Variants in CPZ observed in about 807,000 individuals in gnomAD.
CPZ encodes the protein VEZT/CPZ fusion.
A neutral mutation model predicts 61.8 loss-of-function variants in CPZ; 103 were observed. The observed-to-expected ratio is 1.67, with a 90% CI of 1.42 to 1.96. CPZ has a LOEUF of 1.96. Ranked by LOEUF, CPZ falls within the 30% of genes most tolerant of loss-of-function variation. The pLI is 0.00. For missense variants in CPZ, 1,461 were observed against 914.9 expected (o/e 1.60, Z -7.70); for synonymous variants, 551 against 373.7 (o/e 1.47, Z -5.47).
intron 8 of CPZ, among the ~76,000 whole-genome samples, chr4:8,613,136 T>A (rs1257446407): frequency 2.0e-5 from 3 of 148,646 alleles, no homozygotes; most frequent in Non-Finnish European, 4.5e-5. Context: ...TCTGTTCCTT[T>A]TTTTTTTTTT....
At position 8,614,474 on chromosome 4, in the gene CPZ, G is replaced by A. The variant is rs1305997154; in HGVS notation, c.1479G>A (p.Glu493=). 2 of 1,613,882 alleles carry A rather than the reference G, an allele frequency of 1.2e-6. No individual in the cohort carries two copies. The highest frequency in any genetic ancestry group is 8.5e-7 in the Non-Finnish European group (1 of 1,179,882). ...ACATACTCTGGCAGCACAACAAGGA[G>A]TCACTCCTGAATTTCGTGGAGACGG... is the stretch of plus-strand genomic sequence containing the variant. ...ALYILWQHNK[E]SLLNFVETVH... The change falls in exon 9 of 11, where the codon GAG becomes GAA. Residue 493 remains glutamate, a synonymous_variant. Transcript: ENST00000360986.
At chr4:8,594,016 T>C (rs938845784) in intron 1 of CPZ, among the ~76,000 whole-genome samples, 1 of 151,956 alleles carries the variant, frequency 6.6e-6, no homozygotes, top group Non-Finnish European at 1.5e-5. Context: ...CACAGCCCCC[T>C]CCTCCAGGAA....
intron 5 of CPZ, 56 bp downstream of exon 5, chr4:8,606,241 C>T (rs75272044): frequency 2.0e-6 from 3 of 1,507,478 alleles, no homozygotes; most frequent in Middle Eastern, 1.7e-4. Context: ...CCCCCTCATT[C>T]ATCCATTTAT....
At chr4:8,617,530 C>G (rs1577131094) in intron 9 of CPZ, among the ~76,000 whole-genome samples, 1 of 152,226 alleles carries the variant, frequency 6.6e-6, no homozygotes, top group Non-Finnish European at 1.5e-5. Context: ...GGAAAACAGT[C>G]TCTCCAACCT....
rs1220939052 is a variant in CPZ, at chr4:8,606,200, G to A, written c.906+15G>A. On this transcript the variant is annotated intron_variant, in intron 5 of 10. Coordinates refer to ENST00000360986, the MANE Select transcript of CPZ (RefSeq NM_001014447.3). ...CAGCTGCCGAGGTGAGCGCCCAGAT[G>A]CCTGGATCCTGTGGGCCACCGCCCG... is the stretch of plus-strand genomic sequence containing the variant. 1.9e-6 allele frequency: 3 copies of A among 1,607,488 alleles called. No homozygotes were observed. The South Asian group carries it at 3.3e-5, about 18-fold the overall frequency.
chr4:8,605,894 G>A lies in CPZ; in HGVS notation c.710-95G>A, dbSNP rs1714951271. 8.0e-6 allele frequency: 10 copies of A among 1,243,542 alleles called. No individual in the cohort carries two copies. The South Asian group carries it at 1.2e-4, about 15-fold the overall frequency. The allele number at this position is 1,243,542 out of a possible 1,614,324, so 77.0% of individuals were successfully genotyped here. On this transcript the variant is annotated intron_variant, in intron 4 of 10. Coordinates refer to ENST00000360986, the MANE Select transcript of CPZ (RefSeq NM_001014447.3). ...TCAAAACAAGTATGAATTGGTCCCAGCCCATCTGGTCATTCTTGCTGAGTG... is the reference window on the plus strand; with the variant it reads ...TCAAAACAAGTATGAATTGGTCCCAACCCATCTGGTCATTCTTGCTGAGTG...
intron 7 of CPZ, among the ~76,000 whole-genome samples, chr4:8,609,073 CACTCATA>C (rs1173387987): frequency 0.011 from 496 of 47,168 alleles, 6 homozygotes; most frequent in Non-Finnish European, 0.015. Context: ...CCTCACTCAC[CACTCATA>C]CATTCACCCA....
intron 7 of CPZ, among the ~76,000 whole-genome samples, chr4:8,610,570 CG>C (rs1715567324): frequency 6.6e-6 from 1 of 152,158 alleles, no homozygotes; most frequent in Admixed American, 6.5e-5. Context: ...GTCAAGCTGA[CG>C]GATAAAGGCA....
intron 10 of CPZ, 36 bp from the exon 11 acceptor site, chr4:8,619,226 C>T: frequency 6.4e-7 from 1 of 1,551,158 alleles, no homozygotes; most frequent in Non-Finnish European, 8.7e-7. Flanking sequence ...GGTCTGCAGT[C>T]CTCGTGAGAA....
intron 1 of CPZ, among the ~76,000 whole-genome samples, chr4:8,595,173 G>A (rs1470258054): frequency 1.3e-5 from 2 of 152,230 alleles, no homozygotes; most frequent in East Asian, 1.9e-4. Context: ...TACTAAGTCT[G>A]AAATTTGGTA....
chr4:8,598,944 G>A (rs373317525), intron 1 of CPZ, among the ~76,000 whole-genome samples: 6 of 152,242 alleles, frequency 3.9e-5, no homozygotes, highest in African/African-American at 1.2e-4. Context: ...TTGGGGGCAC[G>A]GAGCCTGCGT....
At chr4:8,597,129 A>G (rs1298925667) in intron 1 of CPZ, among the ~76,000 whole-genome samples, 1 of 152,132 alleles carries the variant, frequency 6.6e-6, no homozygotes, top group Non-Finnish European at 1.5e-5. Context: ...TCAGTGCAGG[A>G]TGAGACCACG....
intron 7 of CPZ, among the ~76,000 whole-genome samples, chr4:8,611,504 G>A (rs1391091754): frequency 1.3e-5 from 2 of 152,192 alleles, no homozygotes; most frequent in Non-Finnish European, 2.9e-5. Context: ...TCAGGGAGGG[G>A]CTTCCTGCAG....
intron 5 of CPZ, 96 bp from the exon 6 acceptor site, chr4:8,606,641 C>G: frequency 6.7e-7 from 1 of 1,502,216 alleles, no homozygotes; most frequent in Non-Finnish European, 9.2e-7. Context: ...AACCGCAGCC[C>G]CTGGCCTTGA....
At position 8,619,316 on chromosome 4, in the gene CPZ, C is replaced by A. The variant is rs955652963; in HGVS notation, c.1658C>A (p.Ala553Asp). The A allele has an allele frequency of 1.2e-6, 2 of 1,614,000 alleles. No individual in the cohort carries two copies. The highest frequency in any genetic ancestry group is 2.7e-5 in the African/African-American group (2 of 75,056). ...CCCCCAGGTATCCACATTGTCATTG[C>A]CCAAGCCCCTGGCTACGCCAAAGTC... ...LLPPGIHIVI[A>D]QAPGYAKVIK... The change falls in exon 11 of 11, where the codon GCC (alanine) becomes GAC (aspartate). Residue 553 changes from alanine (A) to aspartate (D), a missense_variant. Transcript: ENST00000360986.
intron 3 of CPZ, 57 bp downstream of exon 3, chr4:8,601,554 C>G: frequency 2.1e-6 from 3 of 1,409,984 alleles, no homozygotes; most frequent in Non-Finnish European, 2.8e-6. Flanking sequence ...TCAAGGAGGA[C>G]CAAGAGCCAC....
chr4:8,611,059 C>CTCACTCATTCACTCAT, intron 7 of CPZ: 1 of 378,662 alleles, frequency 2.6e-6, no homozygotes, highest in Non-Finnish European at 5.5e-6. Context: ...CATTCGCTCA[C>CTCACTCATTCACTCAT]TCACTCATTC....
Position 8,617,970 on chromosome 4 carries a change from C to T in CPZ, c.1504-459C>T, listed in dbSNP as rs544076354. 1.1e-4 allele frequency: 20 copies of T among 189,890 alleles called. No individual in the cohort carries two copies. In the East Asian group the frequency reaches 1.1e-3, roughly 10 times the overall value. The allele number at this position is 189,890 out of a possible 1,614,324, so 11.8% of individuals were successfully genotyped here. ...AGGCAGGGCGTGTTATACACGTGTA[C>T]GATGAAGAAACCGCGCTGCTCGAGC... is the stretch of plus-strand genomic sequence containing the variant. On this transcript the variant is annotated intron_variant, in intron 9 of 10. Transcript: ENST00000360986.
chr4:8,599,748 C>T (rs1714437518), intron 2 of CPZ: 1 of 618,206 alleles, frequency 1.6e-6, no homozygotes, highest in Admixed American at 3.6e-5. Context: ...CCATCCCTCT[C>T]CAGTCCCCAC....
Sources: allele counts gnomAD v4.1 joint callset (sites outside exome capture counted in the v4.1 genomes callset), GRCh38; gene constraint gnomAD v4.1.1; transcripts MANE v1.5; gene names NCBI Gene and HGNC (gene_info 2026-07-23, HGNC 2026-07-21).